Variants in PRKN observed in about 807,000 individuals in gnomAD.
PRKN encodes the protein E3 ubiquitin-protein ligase parkin.
Under a neutral mutation model 59.5 loss-of-function variants are expected in PRKN, and 56 were observed. The ratio of observed to expected loss-of-function variants is 0.94; its 90% CI spans 0.76 to 1.18. The LOEUF is 1.18. PRKN is among the 50% of genes most tolerant of loss of function. PRKN has a pLI of 0.00. For missense variants in PRKN, 657 were observed against 596.4 expected (o/e 1.10, Z -1.06); for synonymous variants, 250 against 222.1 (o/e 1.13, Z -1.12).
intron 6 of PRKN, among the ~76,000 whole-genome samples, chr6:161,958,348 A>G (rs1350308677): frequency 6.6e-6 from 1 of 152,156 alleles, no homozygotes; most frequent in Non-Finnish European, 1.5e-5. Context: ...GTAGGAAACT[A>G]AATTTTGAAG....
At chr6:161,992,234 G>C (rs940451565) in intron 5 of PRKN, among the ~76,000 whole-genome samples, 3 of 152,152 alleles carry the variant, frequency 2.0e-5, no homozygotes, top group Non-Finnish European at 2.9e-5. Flanking sequence ...CAGCTACTAG[G>C]GGGGCTGAGG....
At chr6:162,318,481 C>T (rs1234636673) in intron 2 of PRKN, among the ~76,000 whole-genome samples, 2 of 151,960 alleles carry the variant, frequency 1.3e-5, no homozygotes, top group Non-Finnish European at 2.9e-5. Flanking sequence ...GGGTATATAC[C>T]TAGAAATGAA....
At chr6:162,620,341 T>C (rs1447834577) in intron 1 of PRKN, among the ~76,000 whole-genome samples, 1 of 152,192 alleles carries the variant, frequency 6.6e-6, no homozygotes, top group Non-Finnish European at 1.5e-5. Flanking sequence ...CTTCTGGTTA[T>C]TGTTAATTAC....
chr6:161,653,307 T>G (rs1236886424), intron 7 of PRKN, among the ~76,000 whole-genome samples: 1 of 152,298 alleles, frequency 6.6e-6, no homozygotes, highest in South Asian at 2.1e-4. Context: ...GAGGTTGCAG[T>G]GAGCCGAGAT....
intron 8 of PRKN, among the ~76,000 whole-genome samples, chr6:161,567,236 C>T (rs1780687878): frequency 6.6e-6 from 1 of 151,968 alleles, no homozygotes. Context: ...GATGTGGTTT[C>T]ACTATTTCAC....
intron 6 of PRKN, among the ~76,000 whole-genome samples, chr6:161,877,157 T>A (rs1348059804): frequency 6.6e-6 from 1 of 152,122 alleles, no homozygotes; most frequent in Non-Finnish European, 1.5e-5. Flanking sequence ...TGAACCTTCA[T>A]TTCTGATGCA....
intron 2 of PRKN, among the ~76,000 whole-genome samples, chr6:162,317,394 C>A (rs1192117006): frequency 6.6e-6 from 1 of 152,070 alleles, no homozygotes; most frequent in African/African-American, 2.4e-5. Flanking sequence ...CTCCTCCTTG[C>A]CTTCTGCCAT....
intron 1 of PRKN, among the ~76,000 whole-genome samples, chr6:162,575,279 C>T (rs541507325): frequency 2.0e-5 from 3 of 152,292 alleles, no homozygotes; most frequent in African/African-American, 7.2e-5. Flanking sequence ...CTCTTCATTG[C>T]TTCAGACAAA....
At chr6:162,681,813 A>G (rs1461607352) in intron 1 of PRKN, among the ~76,000 whole-genome samples, 1 of 152,032 alleles carries the variant, frequency 6.6e-6, no homozygotes, top group South Asian at 2.1e-4. Context: ...ACCCAAGAAT[A>G]TTCTCTATTT....
chr6:162,445,943 A>G (rs937826971), intron 1 of PRKN, among the ~76,000 whole-genome samples: 1 of 152,016 alleles, frequency 6.6e-6, no homozygotes, highest in African/African-American at 2.4e-5. Context: ...GCACCACAAG[A>G]ACAAAGGCCT....
At chr6:161,971,853 T>C (rs1333301812) in intron 6 of PRKN, among the ~76,000 whole-genome samples, 1 of 152,196 alleles carries the variant, frequency 6.6e-6, no homozygotes, top group Non-Finnish European at 1.5e-5. Flanking sequence ...GACCATCTAA[T>C]ACAGTTCCAA....
At chr6:161,840,908 C>CAA (rs369553561) in intron 6 of PRKN, among the ~76,000 whole-genome samples, 21 of 146,590 alleles carry the variant, frequency 1.4e-4, no homozygotes, top group African/African-American at 4.3e-4. Flanking sequence ...ATTAAAAAGT[C>CAA]AAAAAAAAAC....
rs12530275 is a variant in PRKN, at chr6:161,527,594, A to G, written c.1083+21260T>C. On this transcript the variant is annotated intron_variant, in intron 9 of 11. Coordinates refer to ENST00000366898, the MANE Select transcript of PRKN (RefSeq NM_004562.3). The surrounding 1 kb of genome is among the most constrained non-coding windows in gnomAD (Gnocchi z 4.6). The stretch of plus-strand genomic sequence containing the variant: ...GGAACATCTGCCCATGGGTAGTAGC[A>G]CCTTGTAAAATCTAAAAGGTGGGGA... 0.057 allele frequency among the ~76,000 whole-genome samples: 8,656 copies of G among 152,268 alleles called. 284 individuals are homozygous for G. The highest frequency in any genetic ancestry group is 0.081 in the African/African-American group (3,375 of 41,540).
At chr6:161,922,396 T>G (rs1256262193) in intron 6 of PRKN, among the ~76,000 whole-genome samples, 8 of 152,232 alleles carry the variant, frequency 5.3e-5, no homozygotes, top group African/African-American at 1.9e-4. Context: ...AATGGATGTC[T>G]ATCATTTCTC....
chr6:161,886,794 A>G (rs1272877638), intron 6 of PRKN, among the ~76,000 whole-genome samples: 1 of 151,660 alleles, frequency 6.6e-6, no homozygotes, highest in Non-Finnish European at 1.5e-5. Flanking sequence ...ATAAAATTCT[A>G]GAAGTCTCTT....
intron 2 of PRKN, chr6:162,265,224 G>C (rs1338586014): frequency 1.3e-5 from 2 of 152,128 alleles, no homozygotes; most frequent in African/African-American, 4.8e-5. Context: ...ACATGTGGCA[G>C]ATTAAACTAT....
intron 2 of PRKN, among the ~76,000 whole-genome samples, chr6:162,389,685 A>G (rs1187777702): frequency 6.6e-6 from 1 of 152,220 alleles, no homozygotes; most frequent in African/African-American, 2.4e-5. Context: ...TTCTCAATTT[A>G]CAAATAAGCA....
At position 162,523,059 on chromosome 6, in the gene PRKN, T is replaced by C. The variant is rs59799122; in HGVS notation, c.8-79586A>G. On this transcript the variant is annotated intron_variant, in intron 1 of 11. Coordinates refer to ENST00000366898, the MANE Select transcript of PRKN (RefSeq NM_004562.3). Reference sequence around the variant, plus strand: ...CCTGATACAGTCACATCCAAGAAGCTCTAAAGCCCAATGGCTCAACTGTGT... The same window carrying C: ...CCTGATACAGTCACATCCAAGAAGCCCTAAAGCCCAATGGCTCAACTGTGT... Among the ~76,000 whole-genome samples, 1,396 of 152,240 alleles carry C rather than the reference T, an allele frequency of 9.2e-3. 17 individuals carry two copies. Among genetic ancestry groups the C allele is most frequent in the African/African-American group, 0.032 (1,316 of 41,554 alleles).
chr6:162,071,954 G>T (rs577239641), intron 4 of PRKN, among the ~76,000 whole-genome samples: 14 of 152,012 alleles, frequency 9.2e-5, no homozygotes, highest in Non-Finnish European at 1.9e-4. Flanking sequence ...CTAGTGTTTG[G>T]AATCACTACC....
Sources: gnomAD v4.1 joint callset for allele counts (sites outside exome capture counted in the v4.1 genomes callset) on GRCh38, gnomAD v4.1.1 for gene constraint, Gnocchi (gnomAD v3.1) non-coding constraint, MANE v1.5 for transcripts, NCBI Gene and HGNC (gene_info 2026-07-23, HGNC 2026-07-21) for gene names.